The following PTPRD variants were observed in gnomAD, a reference collection of about 807,000 sequenced individuals.
PTPRD encodes protein tyrosine phosphatase receptor type D.
Under a neutral mutation model 214.5 loss-of-function variants are expected in PTPRD, and 34 were observed. The ratio of observed to expected loss-of-function variants is 0.16; its 90% CI spans 0.12 to 0.21. The LOEUF is 0.21. Ranked by LOEUF, PTPRD falls within the 10% of genes least tolerant of loss-of-function variation. The probability of loss-of-function intolerance (pLI) is 1.00; values close to 1 mark genes in which losing one functional copy is unlikely to be tolerated. For synonymous variants in PTPRD, 1,128 were observed against 845.7 expected, an observed-to-expected ratio of 1.33 and a Z score of -5.79; for missense variants, 2,545 against 2,398.7, an observed-to-expected ratio of 1.06 and a Z score of -1.27.
chr9:9,893,785 G>C lies in PTPRD; in HGVS notation c.-368+44722C>G, dbSNP rs562330194. 7.9e-5 allele frequency among the ~76,000 whole-genome samples: 12 copies of C among 152,156 alleles called. No homozygotes were observed. In the South Asian group the frequency reaches 2.1e-3, roughly 26 times the overall value. On this transcript the variant is annotated intron_variant, in intron 5 of 45. Coordinates refer to ENST00000381196, the MANE Select transcript of PTPRD (RefSeq NM_002839.4). The stretch of plus-strand genomic sequence containing the variant: ...TATTTAAGCTTGGTTACCTCCTCTA[G>C]CTACCACCTTGTCTTCTTTTAGCCT...
chr9:10,544,768 A>G (rs2059846606), intron 2 of PTPRD, among the ~76,000 whole-genome samples: 1 of 152,194 alleles, frequency 6.6e-6, no homozygotes. Context: ...GAATAGCCAA[A>G]GTCTTGAGTA....
intron 11 of PTPRD, among the ~76,000 whole-genome samples, chr9:8,961,569 C>T (rs2099158950): frequency 6.6e-6 from 1 of 152,106 alleles, no homozygotes; most frequent in African/African-American, 2.4e-5. Flanking sequence ...TTACATTCAT[C>T]AAGGCAGTTC....
At chr9:10,566,935 T>G (rs558740450) in intron 2 of PTPRD, among the ~76,000 whole-genome samples, 1 of 152,244 alleles carries the variant, frequency 6.6e-6, no homozygotes, top group Admixed American at 6.6e-5. Context: ...CATTTTCACA[T>G]GACTACCTCT....
intron 14 of PTPRD, among the ~76,000 whole-genome samples, chr9:8,612,768 C>T (rs1401798379): frequency 2.6e-5 from 4 of 152,196 alleles, no homozygotes; most frequent in African/African-American, 9.6e-5. Context: ...CAAGTGGTAC[C>T]TGCCTCAACT....
intron 10 of PTPRD, among the ~76,000 whole-genome samples, chr9:9,044,265 G>C (rs569896834): frequency 6.6e-6 from 1 of 152,138 alleles, no homozygotes; most frequent in Non-Finnish European, 1.5e-5. Flanking sequence ...TGTCACCAAA[G>C]GTTTTATGAA....
intron 9 of PTPRD, among the ~76,000 whole-genome samples, chr9:9,364,012 T>G (rs990562009): frequency 2.0e-5 from 3 of 151,388 alleles, no homozygotes; most frequent in African/African-American, 7.3e-5. Flanking sequence ...TAATACCACT[T>G]TAGAAAACAT....
intron 2 of PTPRD, among the ~76,000 whole-genome samples, chr9:10,405,453 T>C (rs2098338750): frequency 6.6e-6 from 1 of 151,646 alleles, no homozygotes; most frequent in Non-Finnish European, 1.5e-5. Flanking sequence ...ACCAGTATAG[T>C]AGAGCAAGGG....
Position 8,781,092 on chromosome 9 carries a change from C to CT in PTPRD, c.-103-47147dup, listed in dbSNP as rs113049220. 5.3e-3 allele frequency among the ~76,000 whole-genome samples: 804 copies of CT among 150,412 alleles called. 8 individuals are homozygous for CT. Among genetic ancestry groups the CT allele is most frequent in the African/African-American group, 0.016 (677 of 41,150 alleles). On this transcript the variant is annotated intron_variant, in intron 11 of 45. Transcript: ENST00000381196. ...TGGTTAGCTCCAATTTCACCAACCA[C>CT]TTTTTTTTTTCCAGTCCCTGATTAA... is the stretch of plus-strand genomic sequence containing the variant.
At chr9:8,711,006 A>G (rs1319756817) in intron 12 of PTPRD, among the ~76,000 whole-genome samples, 3 of 152,140 alleles carry the variant, frequency 2.0e-5, no homozygotes, top group Non-Finnish European at 4.4e-5. Context: ...TTCTTATGTA[A>G]TTAATGCTAG....
chr9:9,037,008 C>T (rs1298878401), intron 10 of PTPRD, among the ~76,000 whole-genome samples: 1 of 152,184 alleles, frequency 6.6e-6, no homozygotes, highest in African/African-American at 2.4e-5. Context: ...TATGCTTCCA[C>T]AGTGCAATCT....
At chr9:8,681,940 T>C (rs7046585) in intron 12 of PTPRD, among the ~76,000 whole-genome samples, 150,859 of 152,296 alleles carry the variant, frequency 0.99, 74,716 homozygotes, top group East Asian at 1. Context: ...AACAACCGAC[T>C]ACGGTAGGAG....
chr9:9,351,478 A>G (rs2051114655), intron 9 of PTPRD, among the ~76,000 whole-genome samples: 1 of 151,996 alleles, frequency 6.6e-6, no homozygotes, highest in African/African-American at 2.4e-5. Context: ...TACAAAACGC[A>G]AAGGACACAC....
chr9:9,381,720 T>G (rs113731491), intron 9 of PTPRD, among the ~76,000 whole-genome samples: 104 of 88,372 alleles, frequency 1.2e-3, no homozygotes, highest in Non-Finnish European at 1.5e-3. Flanking sequence ...TTTTGTTTTT[T>G]TTTGTTTGTT....
At chr9:8,889,139 G>C (rs1587440974) in intron 11 of PTPRD, among the ~76,000 whole-genome samples, 1 of 152,182 alleles carries the variant, frequency 6.6e-6, no homozygotes, top group East Asian at 1.9e-4. Context: ...GGGAAATGAA[G>C]AGGAGGAGAA....
At chr9:9,639,971 A>T (rs2095883624) in intron 7 of PTPRD, among the ~76,000 whole-genome samples, 2 of 152,230 alleles carry the variant, frequency 1.3e-5, no homozygotes, top group Non-Finnish European at 2.9e-5. Context: ...TTACTTGATG[A>T]TAGAAACACC....
intron 4 of PTPRD, among the ~76,000 whole-genome samples, chr9:9,981,692 G>T (rs940609166): frequency 6.6e-6 from 1 of 151,990 alleles, no homozygotes; most frequent in African/African-American, 2.4e-5. Context: ...GAGTGCAAGC[G>T]CATTAAATTG....
At chr9:9,747,539 GTTTT>G (rs35627464) in intron 6 of PTPRD, among the ~76,000 whole-genome samples, 1,584 of 132,840 alleles carry the variant, frequency 0.012, 26 homozygotes, top group African/African-American at 0.039. Flanking sequence ...AATCTTTTTT[GTTTT>G]TTTTTTTTTT....
At chr9:9,244,229 T>C (rs1594415139) in intron 9 of PTPRD, among the ~76,000 whole-genome samples, 1 of 152,198 alleles carries the variant, frequency 6.6e-6, no homozygotes, top group East Asian at 1.9e-4. Context: ...ATTTATAGAT[T>C]CAATGCCATC....
chr9:8,515,239 T>C (rs2138201063), intron 21 of PTPRD, among the ~76,000 whole-genome samples: 1 of 152,338 alleles, frequency 6.6e-6, no homozygotes, highest in Middle Eastern at 3.4e-3. Flanking sequence ...ATCTTCAATT[T>C]ACTCATTGGC....
Sources: allele counts gnomAD v4.1 joint callset (sites outside exome capture counted in the v4.1 genomes callset), GRCh38; gene constraint gnomAD v4.1.1; transcripts MANE v1.5; gene names NCBI Gene and HGNC (gene_info 2026-07-23, HGNC 2026-07-21).